The following HOPX variants were observed in gnomAD, a reference collection of about 807,000 sequenced individuals.
HOPX encodes homeodomain-only protein.
Under a neutral mutation model 11.8 loss-of-function variants are expected in HOPX, and 5 were observed. That is an observed-to-expected ratio of 0.43 (90% CI 0.22 to 0.89). HOPX has a LOEUF of 0.89. Ranked by LOEUF, HOPX falls within the 40% of genes least tolerant of loss-of-function variation. HOPX has a pLI of 0.28. For synonymous variants in HOPX, 49 were observed against 49.7 expected, an observed-to-expected ratio of 0.99 and a Z score of 0.06; for missense variants, 119 against 120.0, an observed-to-expected ratio of 0.99 and a Z score of 0.04.
chr4:56,676,969 G>T (rs1365043014), intron 1 of HOPX, among the ~76,000 whole-genome samples: 4 of 151,762 alleles, frequency 2.6e-5, no homozygotes, highest in Non-Finnish European at 5.9e-5. Context: ...GGGGTGGGGG[G>T]GCTGCCCCAG....
chr4:56,650,042 CAAT>C (rs1370970806), intron 3 of HOPX: 2 of 153,230 alleles, frequency 1.3e-5, no homozygotes, highest in Non-Finnish European at 2.9e-5. Flanking sequence ...TTGAGAAGGA[CAAT>C]ATTTGTGTGT....
rs552882578 is a variant in HOPX at position 56,678,270 on chromosome 4, C to T, written c.-84+2985G>A. ...CAGGTGGCATGGGGCCATCCCCATC[C>T]TCTCTTTGGCCCTTACTGTCCTTAT... On this transcript the variant is annotated intron_variant, in intron 1 of 3. Coordinates refer to ENST00000420433, the MANE Select transcript of HOPX (RefSeq NM_032495.6). Among the ~76,000 whole-genome samples, 6 of 151,472 alleles carry T rather than the reference C, an allele frequency of 4.0e-5. No homozygotes were observed. The East Asian group carries it at 1.2e-3, about 29-fold the overall frequency.
rs371415420 is a variant in HOPX, at chr4:56,669,185, C to T, written c.-83-11286G>A. ...TTCCTCATCAACAGTTTGCTGATGTCGCTGACTCAAGAAAGAAGAACACAG... is the reference window on the plus strand; with the variant it reads ...TTCCTCATCAACAGTTTGCTGATGTTGCTGACTCAAGAAAGAAGAACACAG... On this transcript the variant is annotated intron_variant, in intron 1 of 3. Coordinates refer to ENST00000420433, the MANE Select transcript of HOPX (RefSeq NM_032495.6). Among the ~76,000 whole-genome samples the T allele has an allele frequency of 2.6e-3, 399 of 152,240 alleles. 1 individual carries two copies. The highest frequency in any genetic ancestry group is 0.01 in the Middle Eastern group (3 of 294).
rs1292219223 is a variant in HOPX, at chr4:56,648,571, G to GA, written c.*148dup. 2.6e-5 allele frequency: 13 copies of GA among 504,648 alleles called. No individual in the cohort carries two copies. The highest frequency in any genetic ancestry group is 1.1e-4 in the South Asian group (2 of 18,136). The allele number at this position is 504,648 out of a possible 1,614,324, so 31.3% of individuals were successfully genotyped here. A position where few individuals can be genotyped will look rare whatever the true frequency, so the allele number is the denominator to read the frequency against. ...TTTCTTTTCTAATTATGTACATTTA[G>GA]AAAAAAAATACAACACTGTGTTAAA... On this transcript the variant is annotated 3_prime_UTR_variant, in exon 4 of 4. Coordinates refer to ENST00000420433, the MANE Select transcript of HOPX (RefSeq NM_032495.6).
Position 56,651,858 on chromosome 4 carries a change from AAG to A in HOPX, c.199-3063_199-3062del, listed in dbSNP as rs72305569. On this transcript the variant is annotated intron_variant, in intron 3 of 3. Coordinates refer to ENST00000420433, the MANE Select transcript of HOPX (RefSeq NM_032495.6). ...AATTGAAGAGAAAGGGAGAGAGAGA[AAG>A]AGAGAGAGAGAGAGTGTGTGTGTGT... Among the ~76,000 whole-genome samples the A allele has an allele frequency of 2.7e-3, 283 of 105,272 alleles. 1 individual carries two copies. Among genetic ancestry groups the A allele is most frequent in the African/African-American group, 8.1e-3 (228 of 28,238 alleles). The allele number at this position is 105,272 out of a possible 152,430, so 69.1% of individuals were successfully genotyped here.
chr4:56,679,288 G>C (rs1038770946), intron 1 of HOPX: 1 of 152,074 alleles, frequency 6.6e-6, no homozygotes, highest in East Asian at 1.9e-4. Flanking sequence ...TGTTTGTTGG[G>C]AGTAATCAGC....
intron 3 of HOPX, chr4:56,651,019 C>A: frequency 2.2e-6 from 1 of 449,530 alleles, no homozygotes; most frequent in Non-Finnish European, 3.9e-6. Flanking sequence ...ATAGGATTTC[C>A]AGTTACTACA....
At chr4:56,674,343 G>T (rs1222777472) in intron 1 of HOPX, among the ~76,000 whole-genome samples, 1 of 151,788 alleles carries the variant, frequency 6.6e-6, no homozygotes, top group Non-Finnish European at 1.5e-5. Flanking sequence ...AAGGGTTGAT[G>T]GAGATATCAG....
intron 1 of HOPX, among the ~76,000 whole-genome samples, chr4:56,673,134 T>C (rs953793445): frequency 1.3e-5 from 2 of 152,178 alleles, no homozygotes; most frequent in Admixed American, 6.5e-5. Context: ...TTTCAGAGAA[T>C]TGGAGGCAAG....
Position 56,656,019 on chromosome 4 carries a change from G to A in HOPX, c.43-7C>T, listed in dbSNP as rs779500928. The A allele has an allele frequency of 5.7e-6, 9 of 1,570,276 alleles. No homozygotes were observed. The highest frequency in any genetic ancestry group is 3.6e-5 in the Admixed American group (2 of 55,892). The stretch of plus-strand genomic sequence containing the variant: ...CCGACATGGTCCCTGCGCGCTGCGG[G>A]GCAGGGAGAAGCGGCGGCGGTGAGC... On this transcript the variant is annotated splice_polypyrimidine_tract_variant and splice_region_variant and intron_variant, in intron 2 of 3. Transcript: ENST00000420433.
intron 1 of HOPX, among the ~76,000 whole-genome samples, chr4:56,673,955 T>A (rs895451899): frequency 1.3e-5 from 2 of 151,632 alleles, no homozygotes; most frequent in Admixed American, 6.5e-5. Context: ...TCCGGCCACC[T>A]CATCCTCCCA....
At position 56,648,430 on chromosome 4, in the gene HOPX, C is replaced by CTT. The variant is rs902444976; in HGVS notation, c.*288_*289dup. 100 of 305,644 alleles carry CTT rather than the reference C, an allele frequency of 3.3e-4. 1 individual carries two copies. The highest frequency in any genetic ancestry group is 1.9e-3 in the African/African-American group (87 of 46,616). 18.9% of individuals were successfully genotyped at this position (305,644 alleles called of 1,614,324 possible). A position where few individuals can be genotyped will look rare whatever the true frequency, so the allele number is the denominator to read the frequency against. ...CTGGGAGGTGATGGTCAAAAGCAAA[C>CTT]TTAGATGGTTTTCACACCATCTGTC... On this transcript the variant is annotated 3_prime_UTR_variant, in exon 4 of 4. Transcript: ENST00000420433.
intron 1 of HOPX, among the ~76,000 whole-genome samples, chr4:56,675,952 C>T (rs1718993967): frequency 6.6e-6 from 1 of 151,748 alleles, no homozygotes; most frequent in African/African-American, 2.4e-5. Flanking sequence ...CCAACAATGT[C>T]ATCTTTCTAT....
chr4:56,656,300 C>T (rs925435793), intron 2 of HOPX: 1 of 1,124,910 alleles, frequency 8.9e-7, no homozygotes, highest in African/African-American at 1.6e-5. Context: ...GTATCCCTGC[C>T]TGCGACGGGG....
intron 1 of HOPX, chr4:56,679,429 T>G (rs1719202297): frequency 6.6e-6 from 1 of 151,980 alleles, no homozygotes; most frequent in Non-Finnish European, 1.5e-5. Flanking sequence ...CCCCAAACAT[T>G]TTTTCTCCTG....
At chr4:56,654,191 G>A (rs539325073) in intron 3 of HOPX, among the ~76,000 whole-genome samples, 2 of 152,256 alleles carry the variant, frequency 1.3e-5, no homozygotes, top group East Asian at 3.9e-4. Flanking sequence ...CTGGACAAGT[G>A]GGCTAATAGT....
intron 1 of HOPX, chr4:56,664,168 T>C (rs1560369939): frequency 6.6e-6 from 1 of 152,018 alleles, no homozygotes; most frequent in African/African-American, 2.4e-5. Flanking sequence ...TCTCACACTA[T>C]TGCCCAGGTT....
intron 3 of HOPX, 82 bp downstream of exon 3, chr4:56,655,775 G>T: frequency 6.8e-7 from 1 of 1,471,882 alleles, no homozygotes; most frequent in Non-Finnish European, 9.2e-7. Context: ...GGCGGGAGGC[G>T]CGGACGAACA....
At chr4:56,669,942 T>G (rs1412285159) in intron 1 of HOPX, among the ~76,000 whole-genome samples, 1 of 152,170 alleles carries the variant, frequency 6.6e-6, no homozygotes, top group Non-Finnish European at 1.5e-5. Context: ...TCTTTCACTC[T>G]TAAAAATGCA....
Sources: gnomAD v4.1 joint callset for allele counts (sites outside exome capture counted in the v4.1 genomes callset) on GRCh38, gnomAD v4.1.1 for gene constraint, MANE v1.5 for transcripts, NCBI Gene and HGNC (gene_info 2026-07-23, HGNC 2026-07-21) for gene names.